The following GRM8 variants were observed in gnomAD, a reference collection of about 807,000 sequenced individuals.
GRM8 encodes metabotropic glutamate receptor 8.
GRM8 carries 47 observed loss-of-function variants against 87.2 expected under a neutral mutation model. That is an observed-to-expected ratio of 0.54 (90% confidence interval 0.43 to 0.69). The LOEUF (loss-of-function observed/expected upper bound fraction) is 0.69. Ranked by LOEUF, GRM8 falls within the 30% of genes least tolerant of loss-of-function variation. GRM8 has a pLI of 0.00. For synonymous variants in GRM8, 396 were observed against 404.5 expected (o/e 0.98, Z 0.25); for missense variants, 1,019 against 1,139.2 (o/e 0.89, Z 1.52).
intron 7 of GRM8, among the ~76,000 whole-genome samples, chr7:126,728,060 T>C (rs1813205850): frequency 6.6e-6 from 1 of 152,072 alleles, no homozygotes; most frequent in African/African-American, 2.4e-5. Context: ...TTTTAAGAAA[T>C]GCCAGGAAGA....
At chr7:126,645,008 C>T (rs962702752) in intron 7 of GRM8, among the ~76,000 whole-genome samples, 2 of 152,218 alleles carry the variant, frequency 1.3e-5, no homozygotes, top group African/African-American at 4.8e-5. Context: ...CTGAGGTGTC[C>T]TTGGTCATTC....
At chr7:126,568,038 T>C (rs1047808253) in intron 8 of GRM8, among the ~76,000 whole-genome samples, 2 of 152,202 alleles carry the variant, frequency 1.3e-5, no homozygotes, top group African/African-American at 4.8e-5. Flanking sequence ...AAATAATATC[T>C]TGTTTATATC....
At chr7:126,670,283 A>T (rs1298681336) in intron 7 of GRM8, among the ~76,000 whole-genome samples, 1 of 152,162 alleles carries the variant, frequency 6.6e-6, no homozygotes, top group Admixed American at 6.5e-5. Flanking sequence ...TGTCTAGAAA[A>T]GAGAGGTAAA....
At chr7:127,072,680 C>T (rs900420760) in intron 3 of GRM8, among the ~76,000 whole-genome samples, 3 of 150,700 alleles carry the variant, frequency 2.0e-5, no homozygotes, top group Admixed American at 6.6e-5. Flanking sequence ...AATCGGGGCA[C>T]TTAAAAATAT....
chr7:127,136,627 C>T (rs1454435833), intron 2 of GRM8, among the ~76,000 whole-genome samples: 1 of 151,904 alleles, frequency 6.6e-6, no homozygotes, highest in Non-Finnish European at 1.5e-5. Context: ...CAAACTTACC[C>T]AGCACTGGAA....
At chr7:126,548,285 G>A (rs551740213) in intron 8 of GRM8, among the ~76,000 whole-genome samples, 2 of 151,398 alleles carry the variant, frequency 1.3e-5, no homozygotes, top group African/African-American at 4.8e-5. Flanking sequence ...TGCACATTGT[G>A]CACATGTAAC....
At chr7:126,576,401 G>A (rs1795117405) in intron 8 of GRM8, among the ~76,000 whole-genome samples, 2 of 152,048 alleles carry the variant, frequency 1.3e-5, no homozygotes, top group Non-Finnish European at 2.9e-5. Context: ...TCCCACCTCA[G>A]TCCCCCAAGT....
At chr7:126,570,150 T>C (rs1794576910) in intron 8 of GRM8, among the ~76,000 whole-genome samples, 1 of 152,210 alleles carries the variant, frequency 6.6e-6, no homozygotes. Flanking sequence ...CTTTTTCTTT[T>C]CCCTAGCTAC....
chr7:126,615,248 C>A (rs1442645265), intron 7 of GRM8, among the ~76,000 whole-genome samples: 2 of 152,064 alleles, frequency 1.3e-5, no homozygotes, highest in Non-Finnish European at 2.9e-5. Flanking sequence ...GAATTTTCAA[C>A]CCAGAATTTC....
intron 6 of GRM8, among the ~76,000 whole-genome samples, chr7:126,859,702 G>A (rs1296859158): frequency 6.6e-6 from 1 of 152,078 alleles, no homozygotes; most frequent in East Asian, 1.9e-4. Context: ...AATTTGAGTG[G>A]GGCATGGGCC....
chr7:126,683,224 C>T (rs112922197), intron 7 of GRM8, among the ~76,000 whole-genome samples: 1 of 152,186 alleles, frequency 6.6e-6, no homozygotes, highest in Non-Finnish European at 1.5e-5. Flanking sequence ...CCCACCCTAA[C>T]ATAATTGAAT....
chr7:126,901,784 TTGTA>T (rs1168346052), intron 6 of GRM8, among the ~76,000 whole-genome samples: 2 of 152,326 alleles, frequency 1.3e-5, no homozygotes, highest in East Asian at 3.9e-4. Flanking sequence ...CTTATATATG[TTGTA>T]TGTTTTTGAT....
chr7:127,221,506 G>A (rs1342479091), intron 2 of GRM8, among the ~76,000 whole-genome samples: 1 of 152,180 alleles, frequency 6.6e-6, no homozygotes, highest in African/African-American at 2.4e-5. Context: ...ACTGGTTGAT[G>A]CAAAGATACA....
At chr7:127,013,400 CA>C in intron 3 of GRM8, among the ~76,000 whole-genome samples, 1 of 152,212 alleles carries the variant, frequency 6.6e-6, no homozygotes, top group Middle Eastern at 3.4e-3. Flanking sequence ...CTAGTGTAAA[CA>C]CTTGACCCAT....
chr7:126,996,711 T>C (rs569627089), intron 3 of GRM8, among the ~76,000 whole-genome samples: 4 of 152,136 alleles, frequency 2.6e-5, no homozygotes, highest in South Asian at 2.1e-4. Context: ...TGTTATACAA[T>C]GGCAAATGGG....
At chr7:126,518,523 A>G (rs781291812) in intron 9 of GRM8, among the ~76,000 whole-genome samples, 7 of 152,102 alleles carry the variant, frequency 4.6e-5, no homozygotes, top group Non-Finnish European at 8.8e-5. Context: ...CTCATAAAAC[A>G]TAAACATATG....
intron 3 of GRM8, among the ~76,000 whole-genome samples, chr7:127,012,958 A>C (rs1257111039): frequency 1.3e-5 from 2 of 152,142 alleles, no homozygotes; most frequent in Non-Finnish European, 2.9e-5. Context: ...CACTATTCAC[A>C]CACAGAGGGT....
chr7:126,937,877 T>C (rs1270450607), intron 3 of GRM8, among the ~76,000 whole-genome samples: 1 of 152,132 alleles, frequency 6.6e-6, no homozygotes, highest in East Asian at 1.9e-4. Context: ...GGGCTTTGGT[T>C]TGCCTCTTTG....
chr7:127,107,033 C>T (rs1471710004), intron 2 of GRM8, among the ~76,000 whole-genome samples: 1 of 152,046 alleles, frequency 6.6e-6, no homozygotes, highest in African/African-American at 2.4e-5. Flanking sequence ...TTAGTCTGTA[C>T]ATGATAAGCT....
Sources: allele counts gnomAD v4.1 joint callset (sites outside exome capture counted in the v4.1 genomes callset), GRCh38; gene constraint gnomAD v4.1.1; transcripts MANE v1.5; gene names NCBI Gene and HGNC (gene_info 2026-07-23, HGNC 2026-07-21).